Variants in PCDHA9 observed in about 807,000 individuals in gnomAD.
The protein encoded by PCDHA9 is protocadherin alpha-9.
PCDHA9 carries 62 observed loss-of-function variants against 62.0 expected under a neutral mutation model. That is an observed-to-expected ratio of 1.00 (90% CI 0.81 to 1.23). PCDHA9 has a LOEUF of 1.23. PCDHA9 is among the 50% of genes most tolerant of loss of function. The pLI is 0.00. For synonymous variants in PCDHA9, 557 were observed against 567.6 expected (o/e 0.98, Z 0.27); for missense variants, 1,205 against 1,249.8 (o/e 0.96, Z 0.54).
At chr5:140,877,862 A>T (rs1554170193) in intron 1 of PCDHA9, 1 of 1,505,068 alleles carries the variant, frequency 6.6e-7, no homozygotes, top group East Asian at 2.4e-5. Flanking sequence ...TATTATTTAG[A>T]TATATTTGTT....
At position 140,850,061 on chromosome 5, in the gene PCDHA9, G is replaced by T. The variant is rs2150465496; in HGVS notation, c.1566G>T (p.Pro522=). 7 of 1,596,546 alleles carry T rather than the reference G, an allele frequency of 4.4e-6. No individual in the cohort carries two copies. In the South Asian group the frequency reaches 6.6e-5, roughly 15 times the overall value. ...AESGKVYALQ[P]LDHEELELLQ... ...GCGGCAAGGTGTACGCGCTGCAGCCGTTGGACCACGAGGAGCTGGAGCTGC... is the reference window on the plus strand; with the variant it reads ...GCGGCAAGGTGTACGCGCTGCAGCCTTTGGACCACGAGGAGCTGGAGCTGC... Residue 522 remains proline (P), a synonymous_variant, in exon 1 of 4, where the codon CCG becomes CCT. Transcript: ENST00000532602.
intron 1 of PCDHA9, among the ~76,000 whole-genome samples, chr5:140,977,672 A>G (rs1404527905): frequency 6.6e-6 from 1 of 152,202 alleles, no homozygotes; most frequent in East Asian, 1.9e-4. Flanking sequence ...TGCATGCCAA[A>G]TATCATGTAG....
At chr5:140,873,452 C>G (rs147398020) in intron 1 of PCDHA9, among the ~76,000 whole-genome samples, 1 of 152,006 alleles carries the variant, frequency 6.6e-6, no homozygotes, top group South Asian at 2.1e-4. Context: ...AACAAATTTG[C>G]ATTTTAGATA....
At chr5:140,866,236 C>T (rs1554160132) in intron 1 of PCDHA9, 1 of 152,026 alleles carries the variant, frequency 6.6e-6, no homozygotes, top group East Asian at 1.9e-4. Context: ...ATACTATATA[C>T]CAAAAATGAC....
chr5:140,927,769 G>A (rs1471080821), intron 1 of PCDHA9: 4 of 1,614,084 alleles, frequency 2.5e-6, no homozygotes, highest in African/African-American at 2.7e-5. Context: ...AAGTGGGGAG[G>A]TGCAAGTAGC....
In PCDHA9 at chr5:140,986,314, A is replaced by G. The variant is rs551389701; in HGVS notation, c.2542+3751A>G. On this transcript the variant is annotated intron_variant, in intron 3 of 3. Transcript: ENST00000532602. ...TGAGCAGAGAGAGAAAATTAGCTAA[A>G]TCAGGAATGCAGGGAATACAGTTGC... 9.4e-4 allele frequency among the ~76,000 whole-genome samples: 143 copies of G among 152,196 alleles called. 1 individual carries two copies. The highest frequency in any genetic ancestry group is 1.6e-3 in the Non-Finnish European group (110 of 68,030).
intron 3 of PCDHA9, among the ~76,000 whole-genome samples, chr5:140,993,108 G>A (rs1554253416): frequency 6.6e-6 from 1 of 152,202 alleles, no homozygotes; most frequent in African/African-American, 2.4e-5. Flanking sequence ...TCAGCGGTCA[G>A]TGTCACATCA....
In PCDHA9 at chr5:141,010,551, C is replaced by T. The variant is rs2098417607; in HGVS notation, c.*614C>T. ...AGCCACCCTCTAGGAGACAAAACTA[C>T]CCCCACTGACAAGGCTTTAGGAGAC... On this transcript the variant is annotated 3_prime_UTR_variant, in exon 4 of 4. Coordinates refer to ENST00000532602, the MANE Select transcript of PCDHA9 (RefSeq NM_031857.2). The T allele has an allele frequency of 9.3e-6, 3 of 323,786 alleles. No homozygotes were observed. Among genetic ancestry groups the T allele is most frequent in the African/African-American group, 2.1e-5 (1 of 47,406 alleles). The allele number at this position is 323,786 out of a possible 1,614,324, so 20.1% of individuals were successfully genotyped here.
At chr5:140,989,373 C>A (rs1189877807) in intron 3 of PCDHA9, among the ~76,000 whole-genome samples, 1 of 152,088 alleles carries the variant, frequency 6.6e-6, no homozygotes, top group Non-Finnish European at 1.5e-5. Context: ...TGACTGAGAG[C>A]TTTGTGGGAA....
rs140380568 is a variant in PCDHA9, at chr5:140,850,532, G to T, written c.2037G>T (p.Ser679=). Residue 679 remains serine, a synonymous_variant, in exon 1 of 4, where the codon TCG becomes TCT. Coordinates refer to ENST00000532602, the MANE Select transcript of PCDHA9 (RefSeq NM_031857.2). ...LVESGQAPKS[S]SRASVGATGP... ...AGAGCGGCCAGGCGCCAAAGTCATC[G>T]TCGCGGGCGTCAGTGGGTGCCACGG... is the stretch of plus-strand genomic sequence containing the variant. 5.9e-5 allele frequency: 94 copies of T among 1,598,250 alleles called. 12 individuals carry two copies. Among genetic ancestry groups the T allele is most frequent in the Non-Finnish European group, 7.6e-5 (89 of 1,167,856 alleles).
chr5:140,945,496 A>G (rs2093798194), intron 1 of PCDHA9, among the ~76,000 whole-genome samples: 1 of 152,142 alleles, frequency 6.6e-6, no homozygotes, highest in South Asian at 2.1e-4. Context: ...TACCCAAAGC[A>G]ATATTGAGCA....
chr5:140,969,190 T>C, intron 1 of PCDHA9: 2 of 1,614,072 alleles, frequency 1.2e-6, no homozygotes, highest in Non-Finnish European at 1.7e-6. Flanking sequence ...CTTTCATGTT[T>C]TACAATACAG....
At chr5:140,877,500 A>G (rs781878840) in intron 1 of PCDHA9, 80 of 1,613,694 alleles carry the variant, frequency 5.0e-5, no homozygotes, top group Non-Finnish European at 6.6e-5. Flanking sequence ...GCCAGGCCCC[A>G]AAGACGTCGT....
intron 1 of PCDHA9, among the ~76,000 whole-genome samples, chr5:140,976,876 G>A (rs1166300025): frequency 6.6e-6 from 1 of 152,160 alleles, no homozygotes; most frequent in Non-Finnish European, 1.5e-5. Flanking sequence ...GACAAAGAAA[G>A]AATTAGGATA....
At chr5:140,927,108 C>T (rs782811125) in intron 1 of PCDHA9, 6 of 1,613,528 alleles carry the variant, frequency 3.7e-6, no homozygotes, top group African/African-American at 1.3e-5. Context: ...ATCTACCCAG[C>T]GGCAATTTGG....
chr5:140,964,596 G>A (rs1368654948), intron 1 of PCDHA9, among the ~76,000 whole-genome samples: 2 of 152,104 alleles, frequency 1.3e-5, no homozygotes, highest in African/African-American at 4.8e-5. Flanking sequence ...CACTTTTCAT[G>A]ACAACTTACA....
rs2150440271 is a variant in PCDHA9 at position 140,849,552 on chromosome 5, A to C, written c.1057A>C (p.Lys353Gln). 1 of 1,598,478 alleles carries C rather than the reference A, an allele frequency of 6.3e-7. No individual in the cohort carries two copies. Among genetic ancestry groups the C allele is most frequent in the South Asian group, 1.1e-5 (1 of 90,530 alleles). Residue 353 changes from lysine to glutamine, a missense_variant, in exon 1 of 4, where the codon AAA (lysine) becomes CAA (glutamine). This residue lies in a region of PCDHA9 where 887 missense variants were observed against 809.5 expected (regional missense o/e 1.10). Coordinates refer to ENST00000532602, the MANE Select transcript of PCDHA9 (RefSeq NM_031857.2). ...VNDNAPQLTI[K>Q]TLSVPVKEDA... ...TGACAATGCTCCACAGTTGACTATC[A>C]AAACGCTCTCGGTTCCTGTAAAAGA...
chr5:140,875,378 T>C (rs758524366), intron 1 of PCDHA9: 85 of 1,458,484 alleles, frequency 5.8e-5, no homozygotes, highest in Non-Finnish European at 7.4e-5. Context: ...TTACTAAATA[T>C]GTACTTACAG....
At chr5:141,001,974 C>T (rs1375819013) in intron 3 of PCDHA9, among the ~76,000 whole-genome samples, 1 of 152,136 alleles carries the variant, frequency 6.6e-6, no homozygotes, top group African/African-American at 2.4e-5. Flanking sequence ...TGTCTCTGCG[C>T]GGAAAGCCTG....
Sources: allele counts gnomAD v4.1 joint callset (sites outside exome capture counted in the v4.1 genomes callset), GRCh38; gene constraint gnomAD v4.1.1; regional missense constraint gnomAD v4.1.1; transcripts MANE v1.5; gene names NCBI Gene and HGNC (gene_info 2026-07-23, HGNC 2026-07-21).